The following SLC9A3 variants were observed in gnomAD, a reference collection of about 807,000 sequenced individuals.
SLC9A3 encodes solute carrier family 9 member A3.
A neutral mutation model predicts 86.8 loss-of-function variants in SLC9A3; 37 were observed. The observed-to-expected ratio is 0.43, with a 90% CI of 0.33 to 0.56. SLC9A3 has a LOEUF of 0.56. Ranked by LOEUF, SLC9A3 falls within the 20% of genes least tolerant of loss-of-function variation. The pLI is 0.06. For synonymous variants in SLC9A3, 581 were observed against 528.3 expected (o/e 1.10, Z -1.37); for missense variants, 1,011 against 1,171.9 (o/e 0.86, Z 2.00).
intron 1 of SLC9A3, among the ~76,000 whole-genome samples, chr5:522,397 A>C (rs1395750587): frequency 6.6e-6 from 1 of 152,144 alleles, no homozygotes; most frequent in African/African-American, 2.4e-5. Context: ...CTGTCATTGG[A>C]CCTTCAGATG....
intron 1 of SLC9A3, among the ~76,000 whole-genome samples, chr5:494,055 T>G (rs1036113077): frequency 6.6e-6 from 1 of 152,252 alleles, no homozygotes; most frequent in Non-Finnish European, 1.5e-5. Flanking sequence ...AGAGCTGGCC[T>G]GCAGGGTCCC....
At chr5:493,834 G>C (rs560667866) in intron 1 of SLC9A3, among the ~76,000 whole-genome samples, 1 of 152,132 alleles carries the variant, frequency 6.6e-6, no homozygotes, top group Non-Finnish European at 1.5e-5. Flanking sequence ...CCCCCACTCC[G>C]GGCTGCACAT....
intron 1 of SLC9A3, among the ~76,000 whole-genome samples, chr5:499,796 C>T (rs72702723): frequency 0.065 from 9,927 of 152,296 alleles, 422 homozygotes; most frequent in Non-Finnish European, 0.094. Flanking sequence ...TGCATCTGCG[C>T]ATAACGTCTC....
At position 477,400 on chromosome 5, in the gene SLC9A3, G is replaced by A. The variant is rs770238478; in HGVS notation, c.1692C>T (p.Thr564=). The A allele has an allele frequency of 5.0e-6, 8 of 1,612,998 alleles. No homozygotes were observed. The highest frequency in any genetic ancestry group is 4.0e-5 in the African/African-American group (3 of 74,930). The change falls in exon 11 of 17, where the codon ACC becomes ACT. Residue 564 remains threonine (T), a synonymous_variant. Transcript: ENST00000264938. ...GSLAFIRSPS[T]DNVVNVDFTP... is the part of the protein sequence containing the mutation. The stretch of plus-strand genomic sequence containing the variant: ...TGAAGTCCACGTTGACCACGTTGTC[G>A]GTGCTGGGGGAGCGGATGAAGGCCA...
chr5:481,464 C>T (rs115754124), intron 9 of SLC9A3, 101 bp downstream of exon 9: 19,585 of 1,037,344 alleles, frequency 0.019, 423 homozygotes, highest in Admixed American at 0.063. Context: ...CAAGCCTGGA[C>T]TCAAACAGTT....
At chr5:485,973 G>A (rs367554863) in intron 3 of SLC9A3, among the ~76,000 whole-genome samples, 9 of 152,178 alleles carry the variant, frequency 5.9e-5, no homozygotes, top group African/African-American at 1.9e-4. Flanking sequence ...CTCCAGGGAC[G>A]GGAGCCGCAG....
At chr5:518,386 C>G (rs565640278) in intron 1 of SLC9A3, among the ~76,000 whole-genome samples, 1 of 151,718 alleles carries the variant, frequency 6.6e-6, no homozygotes, top group Non-Finnish European at 1.5e-5. Context: ...GACCGGGCAC[C>G]CTGAGGCCTG....
In SLC9A3 at chr5:485,137, A is replaced by G. The variant is rs777413756; in HGVS notation, c.754+16T>C. On this transcript the variant is annotated intron_variant, in intron 4 of 16. Transcript: ENST00000264938. ...GAGACACGGCCGCCCACTCCCCCTG[A>G]CCCACAGCTACACACCTATGCCCTT... The G allele has an allele frequency of 1.2e-6, 2 of 1,601,008 alleles. No homozygotes were observed. Among genetic ancestry groups the G allele is most frequent in the East Asian group, 4.5e-5 (2 of 44,850 alleles).
intron 1 of SLC9A3, among the ~76,000 whole-genome samples, chr5:521,916 G>A (rs1733894185): frequency 6.6e-6 from 1 of 152,232 alleles, no homozygotes; most frequent in African/African-American, 2.4e-5. Context: ...CAAGAGGTGT[G>A]GCTGGCAGAG....
chr5:476,352 C>G lies in SLC9A3; in HGVS notation c.1917G>C (p.Glu639Asp). Residue 639 changes from glutamate to aspartate, a missense_variant, in exon 13 of 17, where the codon GAG (glutamate) becomes GAC (aspartate). This residue lies in a region of SLC9A3 where 397 missense variants were observed against 346.3 expected (regional missense o/e 1.15). Coordinates refer to ENST00000264938, the MANE Select transcript of SLC9A3 (RefSeq NM_004174.4). ...QEYKHLYSRH[E>D]LTPTEDEKQD... is the part of the protein sequence containing the mutation. Reference sequence around the variant, plus strand: ...GTTTCTCGTCCTCCGTGGGCGTGAGCTCGTGTCGGCTGTACAGATGCTTGT... The same window carrying G: ...GTTTCTCGTCCTCCGTGGGCGTGAGGTCGTGTCGGCTGTACAGATGCTTGT... 6.2e-7 allele frequency: 1 copy of G among 1,613,884 alleles called. No individual in the cohort carries two copies. The highest frequency in any genetic ancestry group is 8.5e-7 in the Non-Finnish European group (1 of 1,180,016).
chr5:505,807 G>C (rs867427968), intron 1 of SLC9A3, among the ~76,000 whole-genome samples: 4 of 136,318 alleles, frequency 2.9e-5, no homozygotes, highest in East Asian at 2.3e-4. Context: ...GTGACCATGT[G>C]GGGGGAGAGT....
chr5:488,397 G>A lies in SLC9A3; in HGVS notation c.594C>T (p.Ala198=), dbSNP rs746715491. The A allele has an allele frequency of 5.7e-5, 92 of 1,610,464 alleles. No individual in the cohort carries two copies. The highest frequency in any genetic ancestry group is 7.1e-5 in the Non-Finnish European group (84 of 1,178,566). Residue 198 remains alanine (A), a synonymous_variant, in exon 3 of 17, where the codon GCC becomes GCT. Transcript: ENST00000264938. The part of the protein sequence containing the change: ...MAAVDPVAVL[A]VFEEVHVNEV... The stretch of plus-strand genomic sequence containing the variant: ...CGTTGACATGGACCTCCTCAAACAC[G>A]GCCAGGACGGCCACCGGGTCCACAG...
chr5:471,839 A>AT lies in SLC9A3; in HGVS notation c.*1539_*1540insA, dbSNP rs1738373817. ...TGACGCTTCCCTTTTTCACAACAGT[A>AT]AAAAGCTATCAATGGGAAATTGTGG... is the stretch of plus-strand genomic sequence containing the variant. On this transcript the variant is annotated 3_prime_UTR_variant, in exon 17 of 17. Coordinates refer to ENST00000264938, the MANE Select transcript of SLC9A3 (RefSeq NM_004174.4). 1 of 456,526 alleles carries AT rather than the reference A, an allele frequency of 2.2e-6. No homozygotes were observed. Among genetic ancestry groups the AT allele is most frequent in the Admixed American group, 2.3e-5 (1 of 42,570 alleles). The allele number at this position is 456,526 out of a possible 1,614,324, so 28.3% of individuals were successfully genotyped here.
rs770934845 is a variant in SLC9A3 at position 492,079 on chromosome 5, G to A, written c.212-8C>T. 2.0e-6 allele frequency: 3 copies of A among 1,483,456 alleles called. No individual in the cohort carries two copies. The highest frequency in any genetic ancestry group is 2.5e-5 in the East Asian group (1 of 40,796). 91.9% of individuals were successfully genotyped at this position (1,483,456 alleles called of 1,614,324 possible). ...TGTGGGACAGGTGGAACCCTGTGGGGGAAGGGAGGGAGGTCAGGGCCGGGC... is the reference window on the plus strand; with the variant it reads ...TGTGGGACAGGTGGAACCCTGTGGGAGAAGGGAGGGAGGTCAGGGCCGGGC... On this transcript the variant is annotated splice_polypyrimidine_tract_variant and splice_region_variant and intron_variant, in intron 1 of 16. Transcript: ENST00000264938.
intron 1 of SLC9A3, among the ~76,000 whole-genome samples, chr5:508,259 A>G (rs1426093292): frequency 3.6e-4 from 44 of 121,596 alleles, no homozygotes; most frequent in South Asian, 8.7e-4. Flanking sequence ...GATGCCGCAG[A>G]GAGACGCAGC....
rs564621923 is a variant in SLC9A3, at chr5:477,168, T to A, written c.1760+164A>T. Reference sequence around the variant, plus strand: ...GCACTAAGGGAGTCTGGCCACGGCCTAATATAGGAGGGCTTGTGGAAGGAG... The same window carrying A: ...GCACTAAGGGAGTCTGGCCACGGCCAAATATAGGAGGGCTTGTGGAAGGAG... On this transcript the variant is annotated intron_variant, in intron 11 of 16. Transcript: ENST00000264938. 3 of 581,638 alleles carry A rather than the reference T, an allele frequency of 5.2e-6. No individual in the cohort carries two copies. In the South Asian group the frequency reaches 7.0e-5, roughly 14 times the overall value. 36.0% of individuals were successfully genotyped at this position (581,638 alleles called of 1,614,324 possible). A position where few individuals can be genotyped will look rare whatever the true frequency, so the allele number is the denominator to read the frequency against.
chr5:472,863 T>C lies in SLC9A3; in HGVS notation c.*516A>G, dbSNP rs989046917. 1 of 504,860 alleles carries C rather than the reference T, an allele frequency of 2.0e-6. No homozygotes were observed. Among genetic ancestry groups the C allele is most frequent in the Admixed American group, 2.7e-5 (1 of 36,736 alleles). The allele number at this position is 504,860 out of a possible 1,614,324, so 31.3% of individuals were successfully genotyped here. On this transcript the variant is annotated 3_prime_UTR_variant, in exon 17 of 17. Transcript: ENST00000264938. ...GGGGGGGCCCGGAACCTTGGGCTGG[T>C]TTCACGCAAATCCGTTTGGGGCGAG... is the stretch of plus-strand genomic sequence containing the variant.
rs199512622 is a variant in SLC9A3, at chr5:476,677, G to A, written c.1761-5C>T. The A allele has an allele frequency of 3.4e-5, 55 of 1,602,230 alleles. No homozygotes were observed. Among genetic ancestry groups the A allele is most frequent in the East Asian group, 2.2e-4 (10 of 44,872 alleles). On this transcript the variant is annotated splice_region_variant and splice_polypyrimidine_tract_variant and intron_variant, in intron 11 of 16. Coordinates refer to ENST00000264938, the MANE Select transcript of SLC9A3 (RefSeq NM_004174.4). ...ACAGCGCTGACATTTTCTCTCCTGC[G>A]TGGGGACCAGCGCTGAGCCATACAG...
At chr5:508,296 C>G in intron 1 of SLC9A3, among the ~76,000 whole-genome samples, 1 of 150,912 alleles carries the variant, frequency 6.6e-6, no homozygotes, top group South Asian at 2.1e-4. Flanking sequence ...ATGGAGATGC[C>G]GCAGGGAGAC....
Sources: allele counts gnomAD v4.1 joint callset (sites outside exome capture counted in the v4.1 genomes callset), GRCh38; gene constraint gnomAD v4.1.1; regional missense constraint gnomAD v4.1.1; transcripts MANE v1.5; gene names NCBI Gene and HGNC (gene_info 2026-07-23, HGNC 2026-07-21).